Variants in CAMK4 observed in about 807,000 individuals in gnomAD.
CAMK4 encodes calcium/calmodulin dependent protein kinase IV.
CAMK4 carries 22 observed loss-of-function variants against 44.9 expected under a neutral mutation model. That is an observed-to-expected ratio of 0.49 (90% confidence interval 0.35 to 0.70). CAMK4 has a LOEUF of 0.70. Ranked by LOEUF, CAMK4 falls within the 30% of genes least tolerant of loss-of-function variation. CAMK4 has a pLI of 0.01. For synonymous variants in CAMK4, 218 were observed against 215.4 expected, an observed-to-expected ratio of 1.01 and a Z score of -0.11; for missense variants, 498 against 586.8, an observed-to-expected ratio of 0.85 and a Z score of 1.56.
intron 7 of CAMK4, among the ~76,000 whole-genome samples, chr5:111,463,478 GTAC>G (rs1192111339): frequency 6.6e-6 from 1 of 152,164 alleles, no homozygotes; most frequent in Non-Finnish European, 1.5e-5. Flanking sequence ...GATCCTCCCT[GTAC>G]TACCACAGCT....
chr5:111,355,781 C>T (rs1170195675), intron 2 of CAMK4, among the ~76,000 whole-genome samples: 1 of 150,652 alleles, frequency 6.6e-6, no homozygotes, highest in African/African-American at 2.4e-5. Flanking sequence ...CGATAGTTTA[C>T]CGAGAATGAT....
At chr5:111,334,147 TA>T (rs1368043596) in intron 1 of CAMK4, among the ~76,000 whole-genome samples, 1 of 151,576 alleles carries the variant, frequency 6.6e-6, no homozygotes, top group Non-Finnish European at 1.5e-5. Flanking sequence ...CTTGACATGA[TA>T]TATTTGAGAT....
At chr5:111,242,704 C>T (rs970714016) in intron 1 of CAMK4, among the ~76,000 whole-genome samples, 2 of 152,120 alleles carry the variant, frequency 1.3e-5, no homozygotes, top group African/African-American at 2.4e-5. Context: ...CGTCTTACGC[C>T]CACCACTCCT....
At chr5:111,458,119 C>T (rs1163226080) in intron 7 of CAMK4, among the ~76,000 whole-genome samples, 2 of 152,174 alleles carry the variant, frequency 1.3e-5, no homozygotes, top group Admixed American at 6.5e-5. Context: ...CCCCTCCTGA[C>T]CATAGCCCTA....
In CAMK4 at chr5:111,370,783, C is replaced by T. The variant is rs564127998; in HGVS notation, c.241-4067C>T. On this transcript the variant is annotated intron_variant, in intron 2 of 10. Transcript: ENST00000282356. ...TACAAAAATTTGCTGGATGTGGTGG[C>T]GCACACCTGTAGTCCCAACTACTCA... 4.6e-4 allele frequency among the ~76,000 whole-genome samples: 70 copies of T among 152,092 alleles called. 1 individual carries two copies. The South Asian group carries it at 9.3e-3, about 20-fold the overall frequency.
At chr5:111,227,426 G>A (rs1359150013) in intron 1 of CAMK4, among the ~76,000 whole-genome samples, 5 of 152,204 alleles carry the variant, frequency 3.3e-5, no homozygotes, top group African/African-American at 7.2e-5. Context: ...CTGGTGTTAC[G>A]TGTTGCTGTT....
chr5:111,350,481 G>T (rs142241188), intron 2 of CAMK4, among the ~76,000 whole-genome samples: 1 of 151,884 alleles, frequency 6.6e-6, no homozygotes, highest in African/African-American at 2.4e-5. Context: ...AATGTAATGT[G>T]GCACACAATA....
intron 6 of CAMK4, among the ~76,000 whole-genome samples, chr5:111,448,281 A>G (rs1430777979): frequency 1.3e-5 from 2 of 152,250 alleles, no homozygotes; most frequent in African/African-American, 2.4e-5. Flanking sequence ...GTAAATTCTT[A>G]TAAGTGAAAT....
chr5:111,394,066 T>A (rs1751907958), intron 4 of CAMK4, among the ~76,000 whole-genome samples: 1 of 151,884 alleles, frequency 6.6e-6, no homozygotes, highest in South Asian at 2.1e-4. Flanking sequence ...CGTTAAAAAA[T>A]AATAAGAGAT....
intron 5 of CAMK4, among the ~76,000 whole-genome samples, chr5:111,438,559 T>A (rs1471720485): frequency 6.6e-6 from 1 of 152,144 alleles, no homozygotes; most frequent in Admixed American, 6.6e-5. Flanking sequence ...ATATAAAAAA[T>A]TTAAGATTAA....
chr5:111,309,412 C>A, intron 1 of CAMK4, among the ~76,000 whole-genome samples: 1 of 152,152 alleles, frequency 6.6e-6, no homozygotes, highest in African/African-American at 2.4e-5. Flanking sequence ...ACCCCACTCC[C>A]TCTCAAGGAG....
chr5:111,444,681 A>G (rs955818743), intron 5 of CAMK4, among the ~76,000 whole-genome samples: 3 of 152,108 alleles, frequency 2.0e-5, no homozygotes, highest in African/African-American at 4.8e-5. Flanking sequence ...CCATCTTGAA[A>G]CTGTACCTCC....
chr5:111,370,732 T>A (rs1022462861), intron 2 of CAMK4, among the ~76,000 whole-genome samples: 9 of 152,188 alleles, frequency 5.9e-5, no homozygotes, highest in Admixed American at 3.9e-4. Flanking sequence ...CTGGCCAACA[T>A]GATGAAACCC....
intron 5 of CAMK4, among the ~76,000 whole-genome samples, chr5:111,442,631 G>T (rs1482998832): frequency 1.3e-5 from 2 of 149,864 alleles, no homozygotes; most frequent in Non-Finnish European, 3.0e-5. Flanking sequence ...AAATATGAAA[G>T]TCTAGCTGTT....
intron 7 of CAMK4, among the ~76,000 whole-genome samples, chr5:111,469,651 C>T (rs529405681): frequency 5.5e-4 from 84 of 152,176 alleles, no homozygotes; most frequent in Middle Eastern, 3.4e-3. Context: ...CTGGCCTGCA[C>T]GGGGTGGGAG....
At chr5:111,371,635 C>T (rs1223144612) in intron 2 of CAMK4, among the ~76,000 whole-genome samples, 1 of 152,140 alleles carries the variant, frequency 6.6e-6, no homozygotes, top group Non-Finnish European at 1.5e-5. Context: ...AAAGAAATTA[C>T]TCAGACATTC....
chr5:111,494,812 A>G lies in CAMK4; in HGVS notation c.*10346A>G, dbSNP rs775037708. The G allele has an allele frequency of 2.6e-5, 4 of 152,196 alleles. No individual in the cohort carries two copies. Among genetic ancestry groups the G allele is most frequent in the East Asian group, 1.9e-4 (1 of 5,200 alleles). The allele number at this position is 152,196 out of a possible 1,614,324, so 9.4% of individuals were successfully genotyped here. A position where few individuals can be genotyped will look rare whatever the true frequency, so the allele number is the denominator to read the frequency against. On this transcript the variant is annotated 3_prime_UTR_variant, in exon 11 of 11. Transcript: ENST00000282356. Reference sequence around the variant, plus strand: ...TGTCAGAACATGCCCAAAGAAGCCTATATCTTGCTGCTGGGAAATGTAAAG... The same window carrying G: ...TGTCAGAACATGCCCAAAGAAGCCTGTATCTTGCTGCTGGGAAATGTAAAG...
intron 4 of CAMK4, among the ~76,000 whole-genome samples, chr5:111,394,426 A>G (rs1295003226): frequency 2.0e-5 from 3 of 152,204 alleles, no homozygotes; most frequent in African/African-American, 7.2e-5. Context: ...CTACTGGCAT[A>G]TGTTTAAAAT....
chr5:111,363,295 C>T (rs1456380871), intron 2 of CAMK4, among the ~76,000 whole-genome samples: 1 of 152,052 alleles, frequency 6.6e-6, no homozygotes, highest in Non-Finnish European at 1.5e-5. Context: ...ACTGACCAAC[C>T]AATTCTAATC....
Sources: gnomAD v4.1 joint callset for allele counts (sites outside exome capture counted in the v4.1 genomes callset) on GRCh38, gnomAD v4.1.1 for gene constraint, MANE v1.5 for transcripts, NCBI Gene and HGNC (gene_info 2026-07-23, HGNC 2026-07-21) for gene names.